Variants in MRC2 observed in about 807,000 individuals in gnomAD.
The protein encoded by MRC2 is mannose receptor C-type 2, also known as C-type mannose receptor 2.
In MRC2, 84 loss-of-function variants were observed where a neutral mutation model predicts 206.2. That is an observed-to-expected ratio of 0.41 (90% CI 0.34 to 0.49). The LOEUF is 0.49. MRC2 is among the 20% of genes least tolerant of loss of function. MRC2 has a pLI of 0.31. For missense variants in MRC2, 1,676 were observed against 2,001.5 expected, an observed-to-expected ratio of 0.84 and a Z score of 3.10; for synonymous variants, 798 against 800.0, an observed-to-expected ratio of 1.00 and a Z score of 0.04.
chr17:62,690,419 A>G, intron 26 of MRC2, 114 bp downstream of exon 26: 2 of 1,415,282 alleles, frequency 1.4e-6, no homozygotes, highest in Admixed American at 2.5e-5. Flanking sequence ...CAGCACTTAC[A>G]CAAGATGCCC....
chr17:62,667,271 C>T lies in MRC2; in HGVS notation c.974-119C>T, dbSNP rs1279725809. The T allele has an allele frequency of 7.4e-7, 1 of 1,343,962 alleles. No homozygotes were observed. Among genetic ancestry groups the T allele is most frequent in the Non-Finnish European group, 1.0e-6 (1 of 1,004,888 alleles). 83.3% of individuals were successfully genotyped at this position (1,343,962 alleles called of 1,614,324 possible). On this transcript the variant is annotated intron_variant, in intron 5 of 29. Coordinates refer to ENST00000303375, the MANE Select transcript of MRC2 (RefSeq NM_006039.5). This position sits in a 1 kb window ranked among gnomAD's most constrained non-coding sequence, Gnocchi z 4.1. ...GGAGCTGGAGCTGAGCACCAGGCTT[C>T]CCGAACTGGCTCAGGCTTCCGAGGG...
intron 12 of MRC2, 81 bp from the exon 13 acceptor site, chr17:62,678,423 C>T (rs1488498994): frequency 1.9e-6 from 3 of 1,548,442 alleles, no homozygotes; most frequent in Non-Finnish European, 2.6e-6. Context: ...CCCTCCTCTG[C>T]CATGGTGGGA....
intron 26 of MRC2, among the ~76,000 whole-genome samples, 155 bp downstream of exon 26, chr17:62,690,460 ACACTATATGTG>A (rs1363731926): frequency 6.6e-6 from 1 of 151,996 alleles, no homozygotes; most frequent in Non-Finnish European, 1.5e-5. Flanking sequence ...ACCATACATG[ACACTATATGTG>A]CATATGCTGC....
intron 1 of MRC2, among the ~76,000 whole-genome samples, chr17:62,637,430 G>T (rs1188061121): frequency 1.3e-5 from 2 of 152,052 alleles, no homozygotes; most frequent in Non-Finnish European, 2.9e-5. Flanking sequence ...CAGCAGCTCG[G>T]GAGGCTGAGG....
rs1331300287 is a variant in MRC2, at chr17:62,680,624, G to C, written c.2473+171G>C. On this transcript the variant is annotated intron_variant, in intron 16 of 29. Coordinates refer to ENST00000303375, the MANE Select transcript of MRC2 (RefSeq NM_006039.5). The surrounding 1 kb of genome is among the most constrained non-coding windows in gnomAD (Gnocchi z 4.8). ...GCCACAGCCCTGTTTGCTTCCGTGTGGGAGGCGAGGCAAGCCTGGGGCCTG... is the reference window on the plus strand; with the variant it reads ...GCCACAGCCCTGTTTGCTTCCGTGTCGGAGGCGAGGCAAGCCTGGGGCCTG... 20 of 1,254,182 alleles carry C rather than the reference G, an allele frequency of 1.6e-5. No homozygotes were observed. Among genetic ancestry groups the C allele is most frequent in the Non-Finnish European group, 2.1e-5 (19 of 924,330 alleles). The allele number at this position is 1,254,182 out of a possible 1,614,324, so 77.7% of individuals were successfully genotyped here.
intron 1 of MRC2, among the ~76,000 whole-genome samples, chr17:62,657,616 C>T (rs1175288595): frequency 2.1e-5 from 3 of 144,974 alleles, no homozygotes; most frequent in Non-Finnish European, 3.0e-5. Flanking sequence ...CTGATGCTCC[C>T]ATGCATATGG....
intron 1 of MRC2, among the ~76,000 whole-genome samples, chr17:62,637,040 G>A (rs1236942890): frequency 6.6e-6 from 1 of 152,144 alleles, no homozygotes; most frequent in African/African-American, 2.4e-5. Context: ...GCTGCTAAGG[G>A]GAAGCTTGAA....
In MRC2 at chr17:62,679,813, G is replaced by C. The variant is rs1192388997; in HGVS notation, c.2209G>C (p.Glu737Gln). Reference sequence around the variant, plus strand: ...GTTGTGCTGAAGTGAATCAGAACCCGAGATCCACGAGCAGCACTGGTTCTG... The same window carrying C: ...GTTGTGCTGAAGTGAATCAGAACCCCAGATCCACGAGCAGCACTGGTTCTG... ...LNKIFGESEPEIHEQHWFWIG... is the reference protein window; with the variant it reads ...LNKIFGESEPQIHEQHWFWIG... Residue 737 changes from glutamate (E) to glutamine (Q), a missense_variant, in exon 14 of 30, where the codon GAG (glutamate) becomes CAG (glutamine). Coordinates refer to ENST00000303375, the MANE Select transcript of MRC2 (RefSeq NM_006039.5). 1.2e-6 allele frequency: 2 copies of C among 1,613,776 alleles called. No individual in the cohort carries two copies. Among genetic ancestry groups the C allele is most frequent in the Non-Finnish European group, 1.7e-6 (2 of 1,179,966 alleles).
intron 20 of MRC2, among the ~76,000 whole-genome samples, chr17:62,686,444 C>G (rs1368550332): frequency 1.0e-5 from 1 of 98,506 alleles, no homozygotes; most frequent in Non-Finnish European, 2.1e-5. Flanking sequence ...CAAAGCAAGA[C>G]TCCATCTCAA....
chr17:62,632,177 G>A lies in MRC2; in HGVS notation c.118+4257G>A, dbSNP rs2084221330. ...ACCAGTAAACGGCAGCTGGATGAGG[G>A]CTGTCCAGTGGCACCTGTGACACCG... is the stretch of plus-strand genomic sequence containing the variant. On this transcript the variant is annotated intron_variant, in intron 1 of 29. Coordinates refer to ENST00000303375, the MANE Select transcript of MRC2 (RefSeq NM_006039.5). Among the ~76,000 whole-genome samples, 3 of 152,238 alleles carry A rather than the reference G, an allele frequency of 2.0e-5. No homozygotes were observed. The South Asian group carries it at 6.2e-4, about 32-fold the overall frequency.
intron 27 of MRC2, 34 bp downstream of exon 27, chr17:62,690,795 G>A: frequency 6.4e-7 from 1 of 1,564,384 alleles, no homozygotes. Flanking sequence ...GAGAGGTCAA[G>A]CCTCAGGCTG....
Position 62,666,223 on chromosome 17 carries a change from A to G in MRC2, c.650A>G (p.Gln217Arg). The change falls in exon 3 of 30, where the codon CAG becomes CGG. Residue 217 changes from glutamine to arginine, a missense_variant. This residue lies in a region of MRC2 where 318 missense variants were observed against 346.7 expected (regional missense o/e 0.92). Transcript: ENST00000303375. This position sits in a 1 kb window ranked among gnomAD's most constrained non-coding sequence, Gnocchi z 5.0. ...EDGHLWCATTQDYGKDERWGF... is the reference protein window; with the variant it reads ...EDGHLWCATTRDYGKDERWGF... Reference sequence around the variant, plus strand: ...GGTCACCTGTGGTGTGCCACCACCCAGGACTACGGCAAAGACGAGCGCTGG... The same window carrying G: ...GGTCACCTGTGGTGTGCCACCACCCGGGACTACGGCAAAGACGAGCGCTGG... 1 of 1,602,480 alleles carries G rather than the reference A, an allele frequency of 6.2e-7. No homozygotes were observed. The highest frequency in any genetic ancestry group is 8.5e-7 in the Non-Finnish European group (1 of 1,174,850).
In MRC2 at chr17:62,627,681, C is replaced by G; in HGVS notation, c.-122C>G. ...CCTCCCCGGGAGGCATCACTTCGTC[C>G]CGACCCGGAGGAGGACGCGAGCCCC... On this transcript the variant is annotated 5_prime_UTR_variant, in exon 1 of 30. Transcript: ENST00000303375. The G allele has an allele frequency of 1.5e-6, 1 of 681,898 alleles. No homozygotes were observed. Among genetic ancestry groups the G allele is most frequent in the Admixed American group, 4.3e-5 (1 of 23,114 alleles). The allele number at this position is 681,898 out of a possible 1,614,324, so 42.2% of individuals were successfully genotyped here.
intron 20 of MRC2, among the ~76,000 whole-genome samples, chr17:62,682,640 A>ATT (rs1437659287): frequency 9.4e-5 from 13 of 138,386 alleles, no homozygotes; most frequent in Admixed American, 1.5e-4. Flanking sequence ...ATTGCCAAAG[A>ATT]TTTTTTTTTT....
intron 1 of MRC2, among the ~76,000 whole-genome samples, chr17:62,644,921 TTTCTC>T (rs1448509984): frequency 2.0e-5 from 3 of 152,092 alleles, no homozygotes; most frequent in African/African-American, 7.2e-5. Context: ...TACCGCGAGT[TTTCTC>T]TTCTTTATCT....
rs956430388 is a variant in MRC2 at position 62,652,158 on chromosome 17, T to A, written c.119-12390T>A. Among the ~76,000 whole-genome samples, 6 of 152,206 alleles carry A rather than the reference T, an allele frequency of 3.9e-5. No individual in the cohort carries two copies. Among genetic ancestry groups the A allele is most frequent in the Non-Finnish European group, 7.3e-5 (5 of 68,038 alleles). On this transcript the variant is annotated intron_variant, in intron 1 of 29. Coordinates refer to ENST00000303375, the MANE Select transcript of MRC2 (RefSeq NM_006039.5). This position sits in a 1 kb window ranked among gnomAD's most constrained non-coding sequence, Gnocchi z 4.6. Reference sequence around the variant, plus strand: ...TAGACACTTTGTCAAAACTACATTTTAAAAAAATGCTTTCCCCCAAATTCG... The same window carrying A: ...TAGACACTTTGTCAAAACTACATTTAAAAAAAATGCTTTCCCCCAAATTCG...
At chr17:62,660,008 GT>G (rs1368855916) in intron 1 of MRC2, among the ~76,000 whole-genome samples, 1 of 152,224 alleles carries the variant, frequency 6.6e-6, no homozygotes, top group African/African-American at 2.4e-5. Context: ...GAAAACAAGA[GT>G]GTCAGATAGC....
chr17:62,667,448 C>A lies in MRC2; in HGVS notation c.1032C>A (p.Gly344=), dbSNP rs768593740. 1.2e-6 allele frequency: 2 copies of A among 1,612,354 alleles called. No homozygotes were observed. The highest frequency in any genetic ancestry group is 1.7e-6 in the Non-Finnish European group (2 of 1,179,628). The change falls in exon 6 of 30, where the codon GGC becomes GGA. Residue 344 remains glycine (G), a synonymous_variant. Coordinates refer to ENST00000303375, the MANE Select transcript of MRC2 (RefSeq NM_006039.5). The surrounding 1 kb of genome is among the most constrained non-coding windows in gnomAD (Gnocchi z 4.1). Reference sequence around the variant, plus strand: ...GAGTGATCCGCACTGAGTCCTCGGGCGGCTGGCAGAACCGTGACTGCAGCA... The same window carrying A: ...GAGTGATCCGCACTGAGTCCTCGGGAGGCTGGCAGAACCGTGACTGCAGCA... ...NCGVIRTESS[G]GWQNRDCSIA...
At chr17:62,629,379 C>G (rs1218649413) in intron 1 of MRC2, among the ~76,000 whole-genome samples, 4 of 152,212 alleles carry the variant, frequency 2.6e-5, no homozygotes, top group Non-Finnish European at 5.9e-5. Context: ...CTGGAAGTGC[C>G]TGGTGAGAGG....
Sources: allele counts gnomAD v4.1 joint callset (sites outside exome capture counted in the v4.1 genomes callset), GRCh38; gene constraint gnomAD v4.1.1; regional missense constraint gnomAD v4.1.1; non-coding constraint Gnocchi (gnomAD v3.1); transcripts MANE v1.5; gene names NCBI Gene and HGNC (gene_info 2026-07-23, HGNC 2026-07-21).